CFAP47: variants seen among roughly 807,000 people sequenced by gnomAD.
CFAP47 encodes cilia- and flagella-associated protein 47.
Under a neutral mutation model 148.1 loss-of-function variants are expected in CFAP47, and 29 were observed. The ratio of observed to expected loss-of-function variants is 0.20; its 90% CI spans 0.15 to 0.27. CFAP47 has a LOEUF of 0.27. CFAP47 is among the 10% of genes least tolerant of loss of function. CFAP47 has a pLI of 1.00. For missense variants in CFAP47, 1,872 were observed against 1,697.5 expected (o/e 1.10, Z -1.81); for synonymous variants, 664 against 577.3 (o/e 1.15, Z -2.15).
chrX:36,338,777 CAT>C (rs1332054523), intron 57 of CFAP47, among the ~76,000 whole-genome samples: 4 of 111,851 alleles, frequency 3.6e-5, no homozygotes, highest in Non-Finnish European at 7.5e-5. Flanking sequence ...AATCCAGACT[CAT>C]ATGTCCACCA....
At chrX:36,105,070 T>A (rs1397749234) in intron 33 of CFAP47, among the ~76,000 whole-genome samples, 3 of 111,403 alleles carry the variant, frequency 2.7e-5, no homozygotes, top group Non-Finnish European at 3.8e-5. Flanking sequence ...CTAGAAAAAA[T>A]TTCACATGTC....
rs781891204 is a variant in CFAP47, at chrX:36,285,201, A to G, written c.7589-428A>G. Among the ~76,000 whole-genome samples the G allele has an allele frequency of 6.5e-4, 73 of 111,482 alleles. 1 individual carries two copies. The highest frequency in any genetic ancestry group is 1.2e-3 in the Non-Finnish European group (62 of 52,905). On this transcript the variant is annotated intron_variant, in intron 50 of 63. Transcript: ENST00000378653. ...ATTTTCCTGACTTTCTCCTTATACT[A>G]GATTCTTATGGTCCTGGAAATGTAG... is the stretch of plus-strand genomic sequence containing the variant.
At chrX:36,205,833 C>T (rs2146885456) in intron 45 of CFAP47, among the ~76,000 whole-genome samples, 1 of 112,028 alleles carries the variant, frequency 8.9e-6, no homozygotes, top group East Asian at 2.8e-4. Flanking sequence ...CTAGAATGTT[C>T]CACAATTCCA....
In CFAP47 at chrX:36,353,656, A is replaced by G. The variant is rs1602122445; in HGVS notation, c.8826A>G (p.Ser2942=). ...TTTTAGTGATTCCAAAAAGAAATTC[A>G]CATAATTTTTGTGAGGATCCCAATG... The part of the protein sequence containing the change: ...TEVLVIPKRN[S]HNFCEDPNEI... The change falls in exon 60 of 64, where the codon TCA becomes TCG. Residue 2942 remains serine, a synonymous_variant. Coordinates refer to ENST00000378653, the MANE Select transcript of CFAP47 (RefSeq NM_001304548.2). 1.5e-5 allele frequency: 18 copies of G among 1,162,482 alleles called. No individual in the cohort carries two copies. The highest frequency in any genetic ancestry group is 2.3e-4 in the Middle Eastern group (1 of 4,288).
chrX:36,272,457 A>T, intron 49 of CFAP47, among the ~76,000 whole-genome samples: 1 of 111,542 alleles, frequency 9.0e-6, no homozygotes, highest in Non-Finnish European at 1.9e-5. Context: ...AAGCTTATCC[A>T]GATGGTTCTT....
chrX:36,327,993 A>T (rs5973646), intron 57 of CFAP47, among the ~76,000 whole-genome samples: 3 of 110,313 alleles, frequency 2.7e-5, no homozygotes, highest in East Asian at 2.9e-4. Flanking sequence ...CGACTCATTG[A>T]GTACTATGCT....
chrX:36,369,533 G>T (rs1321245262), intron 62 of CFAP47, among the ~76,000 whole-genome samples: 1 of 110,336 alleles, frequency 9.1e-6, no homozygotes, highest in Non-Finnish European at 1.9e-5. Flanking sequence ...AATAACATAG[G>T]GTCACTCCTG....
chrX:36,103,526 A>AG (rs1938415507), intron 32 of CFAP47, among the ~76,000 whole-genome samples: 1 of 103,209 alleles, frequency 9.7e-6, no homozygotes, highest in Non-Finnish European at 2.0e-5. Context: ...AAAAAAAAAA[A>AG]AAACATCCCT....
At chrX:36,144,354 T>A (rs1288644613) in intron 35 of CFAP47, among the ~76,000 whole-genome samples, 2 of 112,454 alleles carry the variant, frequency 1.8e-5, no homozygotes, top group African/African-American at 3.2e-5. Context: ...GCTCTTCTGA[T>A]TCAGAGCGGT....
Position 35,967,831 on chromosome X carries a change from A to T in CFAP47, c.1813A>T (p.Arg605Trp). The T allele has an allele frequency of 8.4e-7, 1 of 1,186,873 alleles. No individual in the cohort carries two copies. The highest frequency in any genetic ancestry group is 1.1e-6 in the Non-Finnish European group (1 of 878,043). The change falls in exon 10 of 64, where the codon AGG (arginine) becomes TGG (tryptophan). Residue 605 changes from arginine to tryptophan, a missense_variant and splice_region_variant. Arg to Trp is a moderately radical substitution (Grantham distance 101, BLOSUM62 -3). Coordinates refer to ENST00000378653, the MANE Select transcript of CFAP47 (RefSeq NM_001304548.2). ...IRSKDHHKHF[R>W]PIFTKVPRFN... ...GTCTAAAGACCATCATAAACATTTCAGGTAACATGAAATATTAAAACCCTG... is the reference window on the plus strand; with the variant it reads ...GTCTAAAGACCATCATAAACATTTCTGGTAACATGAAATATTAAAACCCTG...
chrX:36,383,428 G>C (rs1442405478), intron 63 of CFAP47, among the ~76,000 whole-genome samples: 1 of 111,414 alleles, frequency 9.0e-6, no homozygotes, highest in Non-Finnish European at 1.9e-5. Flanking sequence ...GCATGGTGTA[G>C]GTCTCTGCAT....
At chrX:36,077,113 C>T (rs1369711407) in intron 29 of CFAP47, among the ~76,000 whole-genome samples, 1 of 101,712 alleles carries the variant, frequency 9.8e-6, no homozygotes, top group African/African-American at 3.6e-5. Context: ...GTTTTTATAC[C>T]AGTACCATCC....
intron 1 of CFAP47, among the ~76,000 whole-genome samples, chrX:35,922,623 A>G (rs777959417): frequency 8.9e-6 from 1 of 112,791 alleles, no homozygotes; most frequent in East Asian, 2.8e-4. Context: ...TGTTCTATAA[A>G]TTGCACGAGG....
At chrX:36,023,959 C>G (rs1170765314) in intron 22 of CFAP47, among the ~76,000 whole-genome samples, 1 of 112,234 alleles carries the variant, frequency 8.9e-6, no homozygotes, top group African/African-American at 3.2e-5. Flanking sequence ...CCCACTGTTG[C>G]TGACCTGGTA....
chrX:36,124,964 G>T, intron 33 of CFAP47, among the ~76,000 whole-genome samples: 1 of 111,352 alleles, frequency 9.0e-6, no homozygotes, highest in Non-Finnish European at 1.9e-5. Context: ...TTAGTATAAT[G>T]AGAGTGACAT....
intron 2 of CFAP47, among the ~76,000 whole-genome samples, chrX:35,927,850 T>G (rs1935768282): frequency 9.0e-6 from 1 of 110,531 alleles, no homozygotes; most frequent in Admixed American, 9.7e-5. Context: ...ATCTCAAATA[T>G]ATTACATAAA....
intron 2 of CFAP47, among the ~76,000 whole-genome samples, chrX:35,933,104 C>T (rs1470785035): frequency 9.0e-6 from 1 of 111,548 alleles, no homozygotes; most frequent in Non-Finnish European, 1.9e-5. Context: ...TTAAAATGTA[C>T]AATTAAATTA....
chrX:36,299,384 T>C (rs1941276158), intron 52 of CFAP47, among the ~76,000 whole-genome samples: 1 of 111,694 alleles, frequency 9.0e-6, no homozygotes, highest in Admixed American at 9.6e-5. Flanking sequence ...TTTCTCCTTT[T>C]ATCCCCTTTC....
chrX:36,196,009 C>G (rs1209334466), intron 42 of CFAP47, among the ~76,000 whole-genome samples: 1 of 111,143 alleles, frequency 9.0e-6, no homozygotes, highest in Non-Finnish European at 1.9e-5. Flanking sequence ...TTTATCTTCT[C>G]AAAATGTCTG....
Sources: allele counts gnomAD v4.1 joint callset (sites outside exome capture counted in the v4.1 genomes callset), GRCh38; gene constraint gnomAD v4.1.1; transcripts MANE v1.5; gene names NCBI Gene and HGNC (gene_info 2026-07-23, HGNC 2026-07-21).